WWOX: variants seen among roughly 807,000 people sequenced by gnomAD.
The protein encoded by WWOX is WW domain-containing oxidoreductase.
Under a neutral mutation model 46.2 loss-of-function variants are expected in WWOX, and 69 were observed. The observed-to-expected ratio is 1.49, with a 90% CI of 1.23 to 1.82. The LOEUF is 1.82. Ranked by LOEUF, WWOX falls within the 40% of genes most tolerant of loss-of-function variation. The probability of loss-of-function intolerance (pLI) is 0.00; values close to 1 mark genes in which losing one functional copy is unlikely to be tolerated. For synonymous variants in WWOX, 359 were observed against 202.6 expected, an observed-to-expected ratio of 1.77 and a Z score of -6.56; for missense variants, 919 against 542.6, an observed-to-expected ratio of 1.69 and a Z score of -6.89.
At chr16:78,314,701 G>GT (rs920575863) in intron 5 of WWOX, among the ~76,000 whole-genome samples, 2,722 of 61,184 alleles carry the variant, frequency 0.044, 87 homozygotes, top group African/African-American at 0.13. Context: ...TTTTTTTTTT[G>GT]TTTTTTTTTT....
chr16:79,168,275 T>C (rs2050633579), intron 8 of WWOX, among the ~76,000 whole-genome samples: 1 of 152,166 alleles, frequency 6.6e-6, no homozygotes, highest in South Asian at 2.1e-4. Flanking sequence ...ATATGATCAG[T>C]CTAGGTTTAA....
chr16:78,774,347 G>A (rs1190379273), intron 8 of WWOX, among the ~76,000 whole-genome samples: 1 of 152,184 alleles, frequency 6.6e-6, no homozygotes, highest in East Asian at 1.9e-4. Flanking sequence ...TTTTCAGTGA[G>A]CCGAGATCGC....
chr16:78,153,991 G>C (rs902833430), intron 4 of WWOX, among the ~76,000 whole-genome samples: 1 of 152,098 alleles, frequency 6.6e-6, no homozygotes, highest in Non-Finnish European at 1.5e-5. Flanking sequence ...GTGGGCGACT[G>C]TCCCCACCTG....
intron 6 of WWOX, among the ~76,000 whole-genome samples, chr16:78,396,239 A>C (rs1206575899): frequency 6.6e-6 from 1 of 152,088 alleles, no homozygotes; most frequent in African/African-American, 2.4e-5. Context: ...ACCTTCAAAA[A>C]CCTGCCCCTG....
chr16:78,441,407 G>T (rs573121522), intron 8 of WWOX, among the ~76,000 whole-genome samples: 7 of 152,294 alleles, frequency 4.6e-5, no homozygotes, highest in African/African-American at 1.7e-4. Context: ...TCCCTCTGAG[G>T]TAGGCAAGGG....
chr16:78,664,722 T>C (rs1202784572), intron 8 of WWOX, among the ~76,000 whole-genome samples: 1 of 152,228 alleles, frequency 6.6e-6, no homozygotes, highest in Non-Finnish European at 1.5e-5. Context: ...ATCCATTATG[T>C]ACTCCCTGAA....
chr16:79,065,721 G>A (rs970904899), intron 8 of WWOX, among the ~76,000 whole-genome samples: 1 of 152,142 alleles, frequency 6.6e-6, no homozygotes, highest in Non-Finnish European at 1.5e-5. Flanking sequence ...TTCATTTCGG[G>A]AAAGGCTGTT....
intron 8 of WWOX, among the ~76,000 whole-genome samples, chr16:79,079,003 A>C (rs2048711327): frequency 6.6e-6 from 1 of 152,194 alleles, no homozygotes; most frequent in Non-Finnish European, 1.5e-5. Flanking sequence ...AGAGATGCTA[A>C]AATATAATAC....
intron 5 of WWOX, among the ~76,000 whole-genome samples, chr16:78,383,790 A>G (rs1160967277): frequency 6.6e-6 from 1 of 152,172 alleles, no homozygotes; most frequent in African/African-American, 2.4e-5. Flanking sequence ...TACCTAGGGC[A>G]AGAGAATTGC....
chr16:79,096,016 A>ATTTTTTGTTTTTTTTT (rs71384393), intron 8 of WWOX, among the ~76,000 whole-genome samples: 1 of 82,054 alleles, frequency 1.2e-5, no homozygotes, highest in Non-Finnish European at 2.2e-5. Flanking sequence ...CACCCGGATA[A>ATTTTTTGTTTTTTTTT]TTTTTTTTTT....
chr16:78,447,930 A>G lies in WWOX; in HGVS notation c.1056+15178A>G, dbSNP rs1045223684. 7.9e-5 allele frequency among the ~76,000 whole-genome samples: 12 copies of G among 152,066 alleles called. 1 individual carries two copies. Among genetic ancestry groups the G allele is most frequent in the Admixed American group, 7.9e-4 (12 of 15,260 alleles). On this transcript the variant is annotated intron_variant, in intron 8 of 8. Transcript: ENST00000566780. ...TCGATCCTCCTGCCTCAGCCTCCCA[A>G]GTAGCTGGGATTACAGGCACCCACC... is the stretch of plus-strand genomic sequence containing the variant.
intron 8 of WWOX, among the ~76,000 whole-genome samples, chr16:78,964,837 C>A (rs768876756): frequency 6.6e-6 from 1 of 152,160 alleles, no homozygotes; most frequent in Non-Finnish European, 1.5e-5. Flanking sequence ...GGACTTGGTG[C>A]CCTGTGTCCC....
intron 8 of WWOX, among the ~76,000 whole-genome samples, chr16:79,056,264 C>T (rs1386171818): frequency 6.6e-6 from 1 of 151,562 alleles, no homozygotes; most frequent in African/African-American, 2.4e-5. Context: ...GGAGGTTACC[C>T]CAGAACACTT....
intron 5 of WWOX, among the ~76,000 whole-genome samples, chr16:78,371,277 T>C (rs769838708): frequency 3.3e-5 from 5 of 152,234 alleles, no homozygotes; most frequent in African/African-American, 7.2e-5. Context: ...CAGATGGATA[T>C]AACTTTTTTA....
intron 5 of WWOX, among the ~76,000 whole-genome samples, chr16:78,252,269 T>C (rs1042088683): frequency 6.6e-6 from 1 of 152,170 alleles, no homozygotes; most frequent in Non-Finnish European, 1.5e-5. Context: ...TTATGCTTTA[T>C]TTAAAAAAAA....
intron 8 of WWOX, among the ~76,000 whole-genome samples, chr16:78,454,659 C>G (rs778316879): frequency 6.7e-5 from 10 of 148,744 alleles, no homozygotes; most frequent in Admixed American, 2.7e-4. Context: ...GCATGCGCCA[C>G]CATACCTGGG....
intron 8 of WWOX, among the ~76,000 whole-genome samples, chr16:78,926,042 A>C (rs1314830579): frequency 6.6e-6 from 1 of 152,218 alleles, no homozygotes; most frequent in Non-Finnish European, 1.5e-5. Flanking sequence ...TTCTGGAGAC[A>C]GACAGGACAG....
chr16:78,803,369 T>G (rs2050946383), intron 8 of WWOX, among the ~76,000 whole-genome samples: 1 of 152,214 alleles, frequency 6.6e-6, no homozygotes, highest in Admixed American at 6.5e-5. Context: ...TAGTATTTAT[T>G]TCTCCAGCTC....
intron 8 of WWOX, among the ~76,000 whole-genome samples, chr16:78,630,460 G>GC (rs2151658003): frequency 6.6e-6 from 1 of 152,296 alleles, no homozygotes; most frequent in South Asian, 2.1e-4. Flanking sequence ...CAGAGAGGGT[G>GC]CCTACGTGGC....
Sources: allele counts gnomAD v4.1 joint callset (sites outside exome capture counted in the v4.1 genomes callset), GRCh38; gene constraint gnomAD v4.1.1; transcripts MANE v1.5; gene names NCBI Gene and HGNC (gene_info 2026-07-23, HGNC 2026-07-21).